Variants in ATXN10 observed in about 807,000 individuals in gnomAD.
ATXN10 encodes the protein ataxin 10.
Under a neutral mutation model 52.9 loss-of-function variants are expected in ATXN10, and 28 were observed. The ratio of observed to expected loss-of-function variants is 0.53; its 90% CI spans 0.39 to 0.73. ATXN10 has a LOEUF of 0.73. Among genes scored for constraint, ATXN10 ranks in the 30% least tolerant of loss-of-function variants. The pLI is 0.00. For missense variants in ATXN10, 565 were observed against 577.0 expected (o/e 0.98, Z 0.21); for synonymous variants, 226 against 221.5 (o/e 1.02, Z -0.18).
At chr22:45,779,232 A>C (rs1927062647) in intron 9 of ATXN10, among the ~76,000 whole-genome samples, 1 of 152,212 alleles carries the variant, frequency 6.6e-6, no homozygotes, top group African/African-American at 2.4e-5. Flanking sequence ...TTGGAGTAAC[A>C]GGACCCTACT....
At position 45,833,978 on chromosome 22, in the gene ATXN10, A is replaced by C. The variant is rs1569082897; in HGVS notation, c.1238-9013A>C. ...TTCGCCTCTGTGTCTAAGTTTTCTC[A>C]TCAGTAGAATGAGGATAGTAACGAA... is the stretch of plus-strand genomic sequence containing the variant. On this transcript the variant is annotated intron_variant, in intron 10 of 11. Transcript: ENST00000252934. The surrounding 1 kb of genome is among the most constrained non-coding windows in gnomAD (Gnocchi z 4.3). Among the ~76,000 whole-genome samples, 1 of 152,190 alleles carries C rather than the reference A, an allele frequency of 6.6e-6. No individual in the cohort carries two copies. The highest frequency in any genetic ancestry group is 1.5e-5 in the Non-Finnish European group (1 of 68,026).
chr22:45,818,417 C>A lies in ATXN10; in HGVS notation c.1237+11395C>A, dbSNP rs983600004. ...TCAGCTCTCCCTGGCTCTCAGGAGTCAAAGCGCATCTGGTTCTGCTTGTCT... is the reference window on the plus strand; with the variant it reads ...TCAGCTCTCCCTGGCTCTCAGGAGTAAAAGCGCATCTGGTTCTGCTTGTCT... On this transcript the variant is annotated intron_variant, in intron 10 of 11. Coordinates refer to ENST00000252934, the MANE Select transcript of ATXN10 (RefSeq NM_013236.4). The surrounding 1 kb of genome is among the most constrained non-coding windows in gnomAD (Gnocchi z 4.6). 1.3e-5 allele frequency among the ~76,000 whole-genome samples: 2 copies of A among 152,172 alleles called. No individual in the cohort carries two copies. The highest frequency in any genetic ancestry group is 2.9e-5 in the Non-Finnish European group (2 of 68,042).
At chr22:45,687,342 T>TA (rs1923184899) in intron 1 of ATXN10, among the ~76,000 whole-genome samples, 1 of 152,240 alleles carries the variant, frequency 6.6e-6, no homozygotes, top group Non-Finnish European at 1.5e-5. Flanking sequence ...TTTGCTGTGC[T>TA]AGATACCAAT....
At chr22:45,680,877 C>G (rs1021713088) in intron 1 of ATXN10, among the ~76,000 whole-genome samples, 1 of 152,186 alleles carries the variant, frequency 6.6e-6, no homozygotes, top group Non-Finnish European at 1.5e-5. Flanking sequence ...ATCCATTCAT[C>G]TTCTTGATCT....
chr22:45,689,798 C>T lies in ATXN10; in HGVS notation c.203C>T (p.Pro68Leu). 6.2e-7 allele frequency: 1 copy of T among 1,614,152 alleles called. No homozygotes were observed. Among genetic ancestry groups the T allele is most frequent in the South Asian group, 1.1e-5 (1 of 91,076 alleles). ...SHAVELACRD[P>L]SQVENLASSL... ...GCTGTTGAGCTTGCCTGCAGAGATCCATCCCAAGTGGAAAACCTGGCTTCC... is the reference window on the plus strand; with the variant it reads ...GCTGTTGAGCTTGCCTGCAGAGATCTATCCCAAGTGGAAAACCTGGCTTCC... Residue 68 changes from proline to leucine, a missense_variant, in exon 2 of 12, where the codon CCA (proline) becomes CTA (leucine). By Grantham distance (98) the Pro-to-Leu change is moderately conservative. Transcript: ENST00000252934.
rs201696568 is a variant in ATXN10 at position 45,693,464 on chromosome 22, C to T, written c.391+386C>T. ...TAGATGGTGCCTCTTGCTTTGTTCT[C>T]CTGTGGTGGAAGGTGGAAGGCAGAA... is the stretch of plus-strand genomic sequence containing the variant. On this transcript the variant is annotated intron_variant, in intron 3 of 11. Transcript: ENST00000252934. 7.9e-5 allele frequency among the ~76,000 whole-genome samples: 12 copies of T among 152,194 alleles called. No individual in the cohort carries two copies. The East Asian group carries it at 2.1e-3, about 27-fold the overall frequency.
At chr22:45,815,601 C>T (rs1601663965) in intron 10 of ATXN10, among the ~76,000 whole-genome samples, 1 of 151,922 alleles carries the variant, frequency 6.6e-6, no homozygotes, top group Non-Finnish European at 1.5e-5. Flanking sequence ...CCCTCCTTCC[C>T]TGCCTTCCTT....
chr22:45,751,740 G>GGAAAAAAAAAAAAAA (rs1555892667), intron 9 of ATXN10, among the ~76,000 whole-genome samples: 4 of 45,468 alleles, frequency 8.8e-5, no homozygotes, highest in Admixed American at 5.0e-4. Flanking sequence ...CCTTTTTCTG[G>GGAAAAAAAAAAAAAA]AAAAAAAAAA....
At position 45,780,411 on chromosome 22, in the gene ATXN10, G is replaced by A. The variant is rs1011307831; in HGVS notation, c.1174-26548G>A. ...CTGTTTGCTCTCATGAGAGCAGGGT[G>A]TGAAAGCCCCCTTGTTGCCTGTTTC... On this transcript the variant is annotated intron_variant, in intron 9 of 11. Transcript: ENST00000252934. This position sits in a 1 kb window ranked among gnomAD's most constrained non-coding sequence, Gnocchi z 4.0. Among the ~76,000 whole-genome samples the A allele has an allele frequency of 6.6e-6, 1 of 152,208 alleles. No homozygotes were observed. Among genetic ancestry groups the A allele is most frequent in the Non-Finnish European group, 1.5e-5 (1 of 68,032 alleles).
intron 3 of ATXN10, among the ~76,000 whole-genome samples, chr22:45,698,406 A>G (rs1430708321): frequency 6.6e-6 from 1 of 152,068 alleles, no homozygotes; most frequent in Non-Finnish European, 1.5e-5. Flanking sequence ...CCGTTTGTAA[A>G]TCTTCTTTGG....
chr22:45,822,153 C>G (rs942255587), intron 10 of ATXN10, among the ~76,000 whole-genome samples: 3 of 152,198 alleles, frequency 2.0e-5, no homozygotes, highest in African/African-American at 7.2e-5. Context: ...TGTGTTTGGT[C>G]TATTTTATAG....
At chr22:45,822,696 A>G (rs1928691483) in intron 10 of ATXN10, among the ~76,000 whole-genome samples, 1 of 151,890 alleles carries the variant, frequency 6.6e-6, no homozygotes, top group Non-Finnish European at 1.5e-5. Flanking sequence ...ACACCTGGCT[A>G]ATTTTTGTAG....
chr22:45,806,214 A>G (rs1438111313), intron 9 of ATXN10, among the ~76,000 whole-genome samples: 3 of 152,188 alleles, frequency 2.0e-5, no homozygotes, highest in Non-Finnish European at 4.4e-5. Context: ...TGGCCTTACC[A>G]ATAGCATTTG....
At chr22:45,748,257 C>T (rs1925814557) in intron 9 of ATXN10, among the ~76,000 whole-genome samples, 1 of 152,058 alleles carries the variant, frequency 6.6e-6, no homozygotes, top group Admixed American at 6.6e-5. Context: ...CTTACCCTCC[C>T]TACCAGTCCC....
At position 45,843,253 on chromosome 22, in the gene ATXN10, A is replaced by T. The variant is rs1263016631; in HGVS notation, c.1425+75A>T. On this transcript the variant is annotated intron_variant, in intron 11 of 11. Coordinates refer to ENST00000252934, the MANE Select transcript of ATXN10 (RefSeq NM_013236.4). The surrounding 1 kb of genome is among the most constrained non-coding windows in gnomAD (Gnocchi z 4.5). ...TTTCCACTTCCCCATTGCTTCAAGCACGAGGCTCTTTGTAAGAATATGGAT... is the reference window on the plus strand; with the variant it reads ...TTTCCACTTCCCCATTGCTTCAAGCTCGAGGCTCTTTGTAAGAATATGGAT... 4.7e-6 allele frequency: 7 copies of T among 1,485,324 alleles called. No individual in the cohort carries two copies. Among genetic ancestry groups the T allele is most frequent in the Non-Finnish European group, 6.6e-6 (7 of 1,067,070 alleles). 92.0% of individuals were successfully genotyped at this position (1,485,324 alleles called of 1,614,324 possible).
In ATXN10 at chr22:45,681,279, A is replaced by G. The variant is rs375662594; in HGVS notation, c.117-8433A>G. On this transcript the variant is annotated intron_variant, in intron 1 of 11. Transcript: ENST00000252934. This position sits in a 1 kb window ranked among gnomAD's most constrained non-coding sequence, Gnocchi z 4.2. ...CTCTCCCTTAGTGAGCTTGACCTCC[A>G]TCCCATCTCAGACACACATTGCCAT... 9.9e-5 allele frequency among the ~76,000 whole-genome samples: 15 copies of G among 152,248 alleles called. No individual in the cohort carries two copies. Among genetic ancestry groups the G allele is most frequent in the African/African-American group, 3.6e-4 (15 of 41,544 alleles).
intron 9 of ATXN10, among the ~76,000 whole-genome samples, chr22:45,777,325 TTAA>T (rs1601639747): frequency 1.3e-5 from 2 of 152,232 alleles, no homozygotes; most frequent in Non-Finnish European, 2.9e-5. Context: ...TCAAAATTCT[TTAA>T]TGATGATGGA....
chr22:45,700,791 T>G (rs1923812791), intron 4 of ATXN10, among the ~76,000 whole-genome samples: 1 of 152,196 alleles, frequency 6.6e-6, no homozygotes, highest in Non-Finnish European at 1.5e-5. Context: ...TTAAAATTGT[T>G]TATGTATTGA....
chr22:45,737,589 A>G (rs1221615474), intron 7 of ATXN10, among the ~76,000 whole-genome samples: 2 of 152,042 alleles, frequency 1.3e-5, no homozygotes, highest in East Asian at 1.9e-4. Flanking sequence ...TCAGAATACT[A>G]TATTAATGTA....
Sources: gnomAD v4.1 joint callset for allele counts (sites outside exome capture counted in the v4.1 genomes callset) on GRCh38, gnomAD v4.1.1 for gene constraint, Gnocchi (gnomAD v3.1) non-coding constraint, MANE v1.5 for transcripts, NCBI Gene and HGNC (gene_info 2026-07-23, HGNC 2026-07-21) for gene names.